The following IL1RAPL1 variants were observed in gnomAD, a reference collection of about 807,000 sequenced individuals.
IL1RAPL1 encodes the protein interleukin-1 receptor accessory protein-like 1.
A neutral mutation model predicts 48.4 loss-of-function variants in IL1RAPL1; 3 were observed. The ratio of observed to expected loss-of-function variants is 0.06; its 90% CI spans 0.03 to 0.16. IL1RAPL1 has a LOEUF of 0.16. Among genes scored for constraint, IL1RAPL1 ranks in the 10% least tolerant of loss-of-function variants. The pLI is 1.00. For synonymous variants in IL1RAPL1, 185 were observed against 187.7 expected (o/e 0.99, Z 0.12); for missense variants, 349 against 530.6 (o/e 0.66, Z 3.36).
intron 6 of IL1RAPL1, among the ~76,000 whole-genome samples, chrX:29,911,180 A>G (rs1369358934): frequency 8.9e-6 from 1 of 112,122 alleles, no homozygotes; most frequent in Non-Finnish European, 1.9e-5. Context: ...TATTACTGAT[A>G]CATGCTATAT....
chrX:29,602,539 C>G (rs1169880379), intron 5 of IL1RAPL1, among the ~76,000 whole-genome samples: 3 of 112,568 alleles, frequency 2.7e-5, no homozygotes, highest in Non-Finnish European at 5.6e-5. Flanking sequence ...GGCAGCCAAG[C>G]CACAGCCATT....
At chrX:29,318,315 G>A (rs1374640328) in intron 3 of IL1RAPL1, among the ~76,000 whole-genome samples, 1 of 112,291 alleles carries the variant, frequency 8.9e-6, no homozygotes, top group East Asian at 2.8e-4. Context: ...CATAATACAG[G>A]ATTATAGAGG....
At chrX:29,280,793 A>G (rs1473855738) in intron 2 of IL1RAPL1, among the ~76,000 whole-genome samples, 7 of 111,579 alleles carry the variant, frequency 6.3e-5, no homozygotes, top group African/African-American at 2.3e-4. Context: ...AAAAAATACC[A>G]AGGCATACTC....
chrX:29,454,136 A>G (rs1407560117), intron 5 of IL1RAPL1, among the ~76,000 whole-genome samples: 7 of 112,259 alleles, frequency 6.2e-5, no homozygotes, highest in Non-Finnish European at 1.3e-4. Context: ...TACTCCCTGG[A>G]GCAATATGCT....
At chrX:29,797,998 C>T (rs1447597344) in intron 6 of IL1RAPL1, among the ~76,000 whole-genome samples, 3 of 112,324 alleles carry the variant, frequency 2.7e-5, no homozygotes, top group African/African-American at 9.7e-5. Flanking sequence ...AACTAAAGAA[C>T]TTTGTTAGAG....
intron 2 of IL1RAPL1, among the ~76,000 whole-genome samples, chrX:28,874,678 A>G (rs928631374): frequency 1.8e-5 from 2 of 112,461 alleles, no homozygotes; most frequent in African/African-American, 6.5e-5. Flanking sequence ...TGGTGTTATT[A>G]TAAGGAAGCT....
chrX:29,884,618 A>G (rs750356182), intron 6 of IL1RAPL1, among the ~76,000 whole-genome samples: 92 of 111,030 alleles, frequency 8.3e-4, no homozygotes, highest in Middle Eastern at 4.6e-3. Flanking sequence ...CTTAATGTAT[A>G]TACTCTGCCC....
chrX:29,776,776 C>T (rs1288738457), intron 6 of IL1RAPL1, among the ~76,000 whole-genome samples: 1 of 111,687 alleles, frequency 9.0e-6, no homozygotes, highest in Non-Finnish European at 1.9e-5. Flanking sequence ...CAGAAGTTAT[C>T]AAAATAAGGA....
At chrX:28,794,409 T>C (rs1165514347) in intron 2 of IL1RAPL1, among the ~76,000 whole-genome samples, 1 of 112,153 alleles carries the variant, frequency 8.9e-6, no homozygotes, top group Non-Finnish European at 1.9e-5. Flanking sequence ...ATGAAAAGGC[T>C]GTAGCTCATG....
intron 6 of IL1RAPL1, among the ~76,000 whole-genome samples, chrX:29,789,798 T>TTTTTTTTTTTA (rs1491464024): frequency 1.1e-5 from 1 of 90,404 alleles, no homozygotes; most frequent in African/African-American, 4.2e-5. Context: ...TTTTTTTTTT[T>TTTTTTTTTTTA]ATCTCAAAGT....
At chrX:28,826,491 A>G (rs1936996114) in intron 2 of IL1RAPL1, among the ~76,000 whole-genome samples, 1 of 111,284 alleles carries the variant, frequency 9.0e-6, no homozygotes, top group Non-Finnish European at 1.9e-5. Context: ...CTAATTTATT[A>G]AGTATCCACA....
chrX:28,831,076 G>A (rs926231070), intron 2 of IL1RAPL1, among the ~76,000 whole-genome samples: 1 of 84,988 alleles, frequency 1.2e-5, no homozygotes, highest in Non-Finnish European at 2.2e-5. Flanking sequence ...GTGTGTGTGT[G>A]TCTGTATGTG....
chrX:29,752,590 G>A lies in IL1RAPL1; in HGVS notation c.778+84086G>A, dbSNP rs191645576. 1.2e-3 allele frequency among the ~76,000 whole-genome samples: 130 copies of A among 109,892 alleles called. 1 individual carries two copies. The highest frequency in any genetic ancestry group is 4.2e-3 in the African/African-American group (127 of 30,189). On this transcript the variant is annotated intron_variant, in intron 6 of 10. Coordinates refer to ENST00000378993, the MANE Select transcript of IL1RAPL1 (RefSeq NM_014271.4). ...CCTTAAATAGGTAAGATTCTCCTTC[G>A]ATGGTGCTAATTCCTTTGAGAATAC... is the stretch of plus-strand genomic sequence containing the variant.
At position 29,386,176 on chromosome X, in the gene IL1RAPL1, C is replaced by T. The variant is rs763657494; in HGVS notation, c.363-10082C>T. 2.5e-3 allele frequency among the ~76,000 whole-genome samples: 282 copies of T among 111,082 alleles called. 2 individuals are homozygous for T. Among genetic ancestry groups the T allele is most frequent in the African/African-American group, 8.5e-3 (260 of 30,580 alleles). On this transcript the variant is annotated intron_variant, in intron 3 of 10. Transcript: ENST00000378993. ...CCTGAGTAGCTGGGATTACAGGCGC[C>T]CACCACCAAACCTGGTTAATTTTTG...
At chrX:28,687,479 C>T (rs1935123967) in intron 1 of IL1RAPL1, among the ~76,000 whole-genome samples, 1 of 112,163 alleles carries the variant, frequency 8.9e-6, no homozygotes, top group African/African-American at 3.2e-5. Flanking sequence ...TACCAGTGAA[C>T]AACTACTTGA....
intron 2 of IL1RAPL1, among the ~76,000 whole-genome samples, chrX:29,054,337 C>G (rs190272017): frequency 2.1e-4 from 23 of 111,516 alleles, no homozygotes; most frequent in Non-Finnish European, 4.1e-4. Flanking sequence ...TGCTCCCTCA[C>G]TTTATTCAGT....
chrX:28,805,367 G>A (rs767525929), intron 2 of IL1RAPL1, among the ~76,000 whole-genome samples: 1 of 111,178 alleles, frequency 9.0e-6, no homozygotes, highest in South Asian at 3.8e-4. Flanking sequence ...ACATTTTTGG[G>A]TTTTCAAAAT....
intron 6 of IL1RAPL1, among the ~76,000 whole-genome samples, chrX:29,901,183 C>T (rs1471738058): frequency 5.4e-5 from 6 of 112,026 alleles, no homozygotes; most frequent in African/African-American, 1.9e-4. Flanking sequence ...CACATCACTT[C>T]TTCATACATC....
chrX:28,873,298 A>T (rs1479611724), intron 2 of IL1RAPL1, among the ~76,000 whole-genome samples: 3 of 105,634 alleles, frequency 2.8e-5, no homozygotes, highest in Non-Finnish European at 3.9e-5. Flanking sequence ...TTTATTAGAG[A>T]TGGGGTTTCA....
Sources: allele counts gnomAD v4.1 joint callset (sites outside exome capture counted in the v4.1 genomes callset), GRCh38; gene constraint gnomAD v4.1.1; transcripts MANE v1.5; gene names NCBI Gene and HGNC (gene_info 2026-07-23, HGNC 2026-07-21).